The following TENM3 variants were observed in gnomAD, a reference collection of about 807,000 sequenced individuals.
TENM3 encodes teneurin-3.
In TENM3, 63 loss-of-function variants were observed where a neutral mutation model predicts 255.1. The observed-to-expected ratio is 0.25, with a 90% CI of 0.20 to 0.30. The LOEUF (loss-of-function observed/expected upper bound fraction) is 0.30. Ranked by LOEUF, TENM3 falls within the 10% of genes least tolerant of loss-of-function variation. The pLI, the probability that TENM3 is intolerant of heterozygous loss-of-function variation, is 1.00. For missense variants in TENM3, 2,929 were observed against 3,461.1 expected, an observed-to-expected ratio of 0.85 and a Z score of 3.86; for synonymous variants, 1,306 against 1,322.3, an observed-to-expected ratio of 0.99 and a Z score of 0.27.
chr4:181,629,406 T>C, the TENM3 span, among the ~76,000 whole-genome samples: 1 of 152,186 alleles, frequency 6.6e-6, no homozygotes, highest in Admixed American at 6.5e-5. Context: ...CGCATCCCTG[T>C]CTTGTGCCAG....
At chr4:181,735,989 T>C in the TENM3 span, among the ~76,000 whole-genome samples, 1 of 152,212 alleles carries the variant, frequency 6.6e-6, no homozygotes, top group Non-Finnish European at 1.5e-5. Flanking sequence ...TCTTTTTTTC[T>C]TATAACATAT....
At chr4:181,603,285 T>G in the TENM3 span, among the ~76,000 whole-genome samples, 18 of 152,178 alleles carry the variant, frequency 1.2e-4, no homozygotes, top group African/African-American at 4.3e-4. Context: ...AAACTTCAGT[T>G]GGAGATCCTA....
the TENM3 span, among the ~76,000 whole-genome samples, chr4:181,890,589 A>T: frequency 6.6e-6 from 1 of 152,206 alleles, no homozygotes; most frequent in Non-Finnish European, 1.5e-5. Context: ...ACTTAAGATT[A>T]TTAAAATCAA....
intron 1 of TENM3, among the ~76,000 whole-genome samples, chr4:182,156,450 C>T (rs1463634220): frequency 1.3e-5 from 2 of 152,016 alleles, no homozygotes; most frequent in Admixed American, 6.6e-5. Flanking sequence ...CGGATGATCT[C>T]GTCACCCGGG....
chr4:182,128,528 G>A, the TENM3 span, among the ~76,000 whole-genome samples: 65,950 of 151,824 alleles, frequency 0.43, 14,751 homozygotes, highest in African/African-American at 0.54. Context: ...CTTTTCAACA[G>A]TTTTAACTAG....
At chr4:182,471,396 A>C (rs185506485) in intron 3 of TENM3, among the ~76,000 whole-genome samples, 19 of 152,326 alleles carry the variant, frequency 1.2e-4, no homozygotes. Context: ...ACACAAACCA[A>C]GATGGTATAG....
chr4:181,496,654 A>G, the TENM3 span, among the ~76,000 whole-genome samples: 2 of 152,344 alleles, frequency 1.3e-5, no homozygotes, highest in South Asian at 4.1e-4. Flanking sequence ...TCGATTTACT[A>G]TGGCGTGTGT....
At chr4:181,490,188 C>T in the TENM3 span, among the ~76,000 whole-genome samples, 5 of 152,128 alleles carry the variant, frequency 3.3e-5, no homozygotes, top group East Asian at 3.9e-4. Context: ...TCACTCTTTT[C>T]GTTATTTTGA....
chr4:181,888,504 A>ATATATATATATACACACATATATGTG, the TENM3 span, among the ~76,000 whole-genome samples: 2 of 23,430 alleles, frequency 8.5e-5, no homozygotes, highest in Non-Finnish European at 1.6e-4. Flanking sequence ...GTATATATAT[A>ATATATATATATACACACATATATGTG]TATATATATA....
At chr4:182,415,755 C>T (rs1039234714) in intron 3 of TENM3, among the ~76,000 whole-genome samples, 3 of 152,012 alleles carry the variant, frequency 2.0e-5, no homozygotes, top group Non-Finnish European at 2.9e-5. Context: ...TAAATTATTG[C>T]TTATTGAACT....
intron 3 of TENM3, among the ~76,000 whole-genome samples, chr4:182,422,211 GT>G (rs371149856): frequency 5.3e-5 from 8 of 151,108 alleles, no homozygotes; most frequent in South Asian, 2.1e-4. Context: ...TTTTTTCACT[GT>G]TTTTTTTTAA....
chr4:182,287,932 G>A (rs113123099), intron 1 of TENM3, among the ~76,000 whole-genome samples: 4,231 of 149,236 alleles, frequency 0.028, 200 homozygotes, highest in African/African-American at 0.098. Context: ...TTGTTTGTTT[G>A]TTTTTTGTTT....
chr4:182,621,723 T>TATATAATATGTATTAC lies in TENM3; in HGVS notation c.750-6922_750-6921insTATGTATTACATATAA, dbSNP rs1561016569. Reference sequence around the variant, plus strand: ...TATATAAAATATATAATATATATTATATATAAAATATATAATATATAATAT... The same window carrying TATATAATATGTATTAC: ...TATATAAAATATATAATATATATTATATATAATATGTATTACATATAAAATATATAATATATAATAT... On this transcript the variant is annotated intron_variant, in intron 4 of 27. Transcript: ENST00000511685. Among the ~76,000 whole-genome samples the TATATAATATGTATTAC allele has an allele frequency of 3.5e-3, 48 of 13,694 alleles. 2 individuals are homozygous for TATATAATATGTATTAC. In the South Asian group the frequency reaches 0.15, roughly 44 times the overall value. The allele number at this position is 13,694 out of a possible 152,430, so 9.0% of individuals were successfully genotyped here.
chr4:181,538,332 A>ACCC, the TENM3 span, among the ~76,000 whole-genome samples: 1 of 152,134 alleles, frequency 6.6e-6, no homozygotes, highest in Non-Finnish European at 1.5e-5. Flanking sequence ...CATTTATTTA[A>ACCC]TTAAACATTC....
chr4:182,596,523 C>T (rs1311130002), intron 3 of TENM3, among the ~76,000 whole-genome samples: 1 of 152,120 alleles, frequency 6.6e-6, no homozygotes, highest in African/African-American at 2.4e-5. Flanking sequence ...GGTGGCATCA[C>T]CTTTTTTAGA....
chr4:181,674,803 T>G, the TENM3 span, among the ~76,000 whole-genome samples: 2 of 152,174 alleles, frequency 1.3e-5, no homozygotes, highest in Admixed American at 6.6e-5. Flanking sequence ...TGTCTTGCTT[T>G]TTTTAAAATA....
chr4:181,535,509 C>T, the TENM3 span, among the ~76,000 whole-genome samples: 3 of 152,156 alleles, frequency 2.0e-5, no homozygotes, highest in Non-Finnish European at 4.4e-5. Context: ...ACAGGGTAAT[C>T]CTGTGATAAT....
intron 3 of TENM3, among the ~76,000 whole-genome samples, chr4:182,479,900 C>T (rs148257634): frequency 1.6e-4 from 25 of 151,806 alleles, no homozygotes; most frequent in Middle Eastern, 3.4e-3. Flanking sequence ...AACAAATAAA[C>T]GGATGGAATT....
chr4:181,971,515 G>A, the TENM3 span, among the ~76,000 whole-genome samples: 201 of 152,144 alleles, frequency 1.3e-3, no homozygotes, highest in Middle Eastern at 0.041. Flanking sequence ...CCTCTTATTC[G>A]TCATAAAACA....
Sources: allele counts gnomAD v4.1 joint callset (sites outside exome capture counted in the v4.1 genomes callset), GRCh38; gene constraint gnomAD v4.1.1; transcripts MANE v1.5; gene names NCBI Gene and HGNC (gene_info 2026-07-23, HGNC 2026-07-21).